The following TRAF3 variants were observed in gnomAD, a reference collection of about 807,000 sequenced individuals.
The protein encoded by TRAF3 is TNF receptor associated factor 3.
Under a neutral mutation model 62.3 loss-of-function variants are expected in TRAF3, and 13 were observed. The observed-to-expected ratio is 0.21, with a 90% confidence interval of 0.14 to 0.33. The LOEUF (loss-of-function observed/expected upper bound fraction) is 0.33. TRAF3 is among the 10% of genes least tolerant of loss of function. The pLI is 1.00. For missense variants in TRAF3, 440 were observed against 741.8 expected, an observed-to-expected ratio of 0.59 and a Z score of 4.73; for synonymous variants, 269 against 283.4, an observed-to-expected ratio of 0.95 and a Z score of 0.51.
At chr14:102,796,717 C>T (rs1017926055) in intron 1 of TRAF3, among the ~76,000 whole-genome samples, 8 of 152,232 alleles carry the variant, frequency 5.3e-5, no homozygotes, top group African/African-American at 1.9e-4. Context: ...TTGCAGAGGC[C>T]TGAGTGCCTC....
intron 4 of TRAF3, among the ~76,000 whole-genome samples, chr14:102,873,235 A>G (rs1363109928): frequency 6.6e-6 from 1 of 152,168 alleles, no homozygotes; most frequent in Non-Finnish European, 1.5e-5. Context: ...GGCATCCAGT[A>G]TAGCCGCTCT....
At chr14:102,795,584 CATG>C (rs72312027) in intron 1 of TRAF3, among the ~76,000 whole-genome samples, 78,237 of 130,920 alleles carry the variant, frequency 0.6, 22,614 homozygotes, top group South Asian at 0.77. Context: ...GATATGTATG[CATG>C]ATATGTATAT....
chr14:102,815,093 C>T (rs2139543365), intron 1 of TRAF3, among the ~76,000 whole-genome samples: 1 of 151,984 alleles, frequency 6.6e-6, no homozygotes, highest in South Asian at 2.1e-4. Flanking sequence ...TACCATTATG[C>T]CTGGTTAATT....
intron 1 of TRAF3, among the ~76,000 whole-genome samples, chr14:102,813,531 A>G (rs1595314319): frequency 6.7e-6 from 1 of 150,058 alleles, no homozygotes; most frequent in African/African-American, 2.4e-5. Context: ...GCTCACTGCA[A>G]CCTCCACCTC....
rs557696685 is a variant in TRAF3, at chr14:102,910,336, T to C, written c.*4552T>C. ...AGAGTGGGGGAAGCCCCCTTGCTTT[T>C]GTATCTGTGAGGTGAATGAGGGTCT... On this transcript the variant is annotated 3_prime_UTR_variant, in exon 12 of 12. Coordinates refer to ENST00000392745, the MANE Select transcript of TRAF3 (RefSeq NM_145725.3). 2 of 152,292 alleles carry C rather than the reference T, an allele frequency of 1.3e-5. No individual in the cohort carries two copies. Among genetic ancestry groups the C allele is most frequent in the Non-Finnish European group, 2.9e-5 (2 of 68,070 alleles). The allele number at this position is 152,292 out of a possible 1,614,324, so 9.4% of individuals were successfully genotyped here.
At chr14:102,828,127 A>G (rs1900435728) in intron 1 of TRAF3, among the ~76,000 whole-genome samples, 1 of 152,254 alleles carries the variant, frequency 6.6e-6, no homozygotes, top group Non-Finnish European at 1.5e-5. Context: ...TCTAGGAGAC[A>G]GGTAGGAAAT....
At chr14:102,895,948 C>A (rs1052701493) in intron 9 of TRAF3, among the ~76,000 whole-genome samples, 3 of 152,048 alleles carry the variant, frequency 2.0e-5, no homozygotes, top group African/African-American at 7.3e-5. Flanking sequence ...GGGTGTAGCA[C>A]CCATGTAATT....
chr14:102,885,106 C>T (rs1889299132), intron 6 of TRAF3, among the ~76,000 whole-genome samples: 1 of 152,182 alleles, frequency 6.6e-6, no homozygotes, highest in Admixed American at 6.5e-5. Flanking sequence ...TATTCTGCCG[C>T]AAAACCACTG....
rs1595417680 is a variant in TRAF3 at position 102,905,679 on chromosome 14, C to T, written c.1602C>T (p.Cys534=). 1 of 1,612,640 alleles carries T rather than the reference C, an allele frequency of 6.2e-7. No individual in the cohort carries two copies. The highest frequency in any genetic ancestry group is 8.5e-7 in the Non-Finnish European group (1 of 1,178,804). ...GAGAGATGAATATCGCCTCTGGCTG[C>T]CCAGTCTTTGTGGCCCAAACTGTTC... ...PTGEMNIASG[C]PVFVAQTVLE... The change falls in exon 12 of 12, where the codon TGC becomes TGT. Residue 534 remains cysteine, a synonymous_variant. Coordinates refer to ENST00000392745, the MANE Select transcript of TRAF3 (RefSeq NM_145725.3).
chr14:102,825,737 C>G (rs1900271862), intron 1 of TRAF3, among the ~76,000 whole-genome samples: 1 of 152,250 alleles, frequency 6.6e-6, no homozygotes, highest in African/African-American at 2.4e-5. Context: ...AGCCTTGATC[C>G]CTGACTTGAA....
At chr14:102,860,086 C>CT (rs1887595281) in intron 2 of TRAF3, among the ~76,000 whole-genome samples, 1 of 152,218 alleles carries the variant, frequency 6.6e-6, no homozygotes, top group African/African-American at 2.4e-5. Context: ...AGTCTTATCT[C>CT]TCAGTGGGGA....
At chr14:102,885,150 C>G (rs1276448252) in intron 6 of TRAF3, among the ~76,000 whole-genome samples, 1 of 152,208 alleles carries the variant, frequency 6.6e-6, no homozygotes, top group Non-Finnish European at 1.5e-5. Context: ...TAGAAACATG[C>G]CGAGGAAAGC....
chr14:102,813,401 G>C (rs971872558), intron 1 of TRAF3, among the ~76,000 whole-genome samples: 1 of 151,934 alleles, frequency 6.6e-6, no homozygotes, highest in African/African-American at 2.4e-5. Context: ...TATGTCTTTT[G>C]AGAAATGTCT....
intron 2 of TRAF3, among the ~76,000 whole-genome samples, chr14:102,845,450 A>G (rs1886643358): frequency 6.6e-6 from 1 of 151,186 alleles, no homozygotes; most frequent in South Asian, 2.1e-4. Context: ...TGATCTGCCC[A>G]CCTCAGTCTT....
At chr14:102,863,294 T>C (rs1052890389) in intron 2 of TRAF3, among the ~76,000 whole-genome samples, 1 of 152,374 alleles carries the variant, frequency 6.6e-6, no homozygotes, top group African/African-American at 2.4e-5. Flanking sequence ...AGTCATTGTT[T>C]GTATAGTTAC....
intron 1 of TRAF3, among the ~76,000 whole-genome samples, chr14:102,824,671 G>C (rs895087456): frequency 6.6e-6 from 1 of 152,190 alleles, no homozygotes; most frequent in African/African-American, 2.4e-5. Context: ...TCCATAGTTT[G>C]CATCAAATTC....
At chr14:102,828,012 C>A (rs1170788524) in intron 1 of TRAF3, among the ~76,000 whole-genome samples, 1 of 152,352 alleles carries the variant, frequency 6.6e-6, no homozygotes, top group East Asian at 1.9e-4. Context: ...TACCTGAGCC[C>A]GGAGAGGGGG....
chr14:102,862,349 T>C (rs998022225), intron 2 of TRAF3, among the ~76,000 whole-genome samples: 10 of 148,980 alleles, frequency 6.7e-5, no homozygotes, highest in African/African-American at 2.5e-4. Flanking sequence ...CCGTGAGCTA[T>C]GATTGCACCA....
intron 1 of TRAF3, among the ~76,000 whole-genome samples, chr14:102,820,354 C>A (rs1012217799): frequency 6.6e-6 from 1 of 151,960 alleles, no homozygotes; most frequent in Admixed American, 6.6e-5. Flanking sequence ...CACTTCCTAA[C>A]CTTCTGCACT....
Sources: allele counts gnomAD v4.1 joint callset (sites outside exome capture counted in the v4.1 genomes callset), GRCh38; gene constraint gnomAD v4.1.1; transcripts MANE v1.5; gene names NCBI Gene and HGNC (gene_info 2026-07-23, HGNC 2026-07-21).